The following EGLN1 variants were observed in gnomAD, a reference collection of about 807,000 sequenced individuals.
EGLN1 encodes egl-9 family hypoxia inducible factor 1.
In EGLN1, 17 loss-of-function variants were observed where a neutral mutation model predicts 38.3. The ratio of observed to expected loss-of-function variants is 0.44; its 90% CI spans 0.30 to 0.67. The LOEUF is 0.67. Ranked by LOEUF, EGLN1 falls within the 30% of genes least tolerant of loss-of-function variation. The pLI is 0.08. For missense variants in EGLN1, 477 were observed against 603.3 expected, an observed-to-expected ratio of 0.79 and a Z score of 2.19; for synonymous variants, 283 against 257.5, an observed-to-expected ratio of 1.10 and a Z score of -0.95.
chr1:231,387,236 TAC>T (rs148394377), intron 1 of EGLN1, among the ~76,000 whole-genome samples: 3,505 of 36,656 alleles, frequency 0.096, 144 homozygotes, highest in African/African-American at 0.16. Context: ...TATATATGTA[TAC>T]ACACACACAC....
rs886046111 is a variant in EGLN1, at chr1:231,421,636, G to A, written c.253C>T (p.Pro85Ser). The A allele has an allele frequency of 5.6e-6, 8 of 1,439,866 alleles. No homozygotes were observed. The highest frequency in any genetic ancestry group is 7.3e-6 in the Non-Finnish European group (8 of 1,100,008). The allele number at this position is 1,439,866 out of a possible 1,614,324, so 89.2% of individuals were successfully genotyped here. Residue 85 changes from proline to serine, a missense_variant, in exon 1 of 5, where the codon CCG becomes TCG. By Grantham distance (74) the Pro-to-Ser change is moderately conservative (BLOSUM62 -1). Coordinates refer to ENST00000366641, the MANE Select transcript of EGLN1 (RefSeq NM_022051.3). This position sits in a 1 kb window ranked among gnomAD's most constrained non-coding sequence, Gnocchi z 5.5. ...GGCTCCCGGGCCCCGGCCCTGGGCG[G>A]CGGCACTGCAGCCGGCGGCGCGGGG... ...SGPAPPAAVP[P>S]PRAGAREPRK... is the part of the protein sequence containing the mutation.
chr1:231,396,341 C>T (rs1337165679), intron 1 of EGLN1, among the ~76,000 whole-genome samples: 1 of 151,786 alleles, frequency 6.6e-6, no homozygotes, highest in East Asian at 1.9e-4. Context: ...GCAACCTCTG[C>T]CTCCTAGGTT....
chr1:231,383,032 T>C (rs1036740579), intron 1 of EGLN1, among the ~76,000 whole-genome samples: 2 of 124,548 alleles, frequency 1.6e-5, no homozygotes, highest in East Asian at 2.4e-4. Flanking sequence ...CATTCCAGCC[T>C]GGGCAACAGA....
At chr1:231,399,329 G>C (rs1034270378) in intron 1 of EGLN1, among the ~76,000 whole-genome samples, 7 of 152,190 alleles carry the variant, frequency 4.6e-5, no homozygotes, top group African/African-American at 1.7e-4. Flanking sequence ...GGAAAGGATT[G>C]AGGAAATTTA....
chr1:231,383,410 G>A (rs1279670545), intron 1 of EGLN1, among the ~76,000 whole-genome samples: 1 of 152,194 alleles, frequency 6.6e-6, no homozygotes, highest in East Asian at 1.9e-4. Context: ...CACCAGAACA[G>A]AGTCTTACTT....
At chr1:231,374,145 A>G (rs1209814417) in intron 1 of EGLN1, 46 bp from the exon 2 acceptor site, 2 of 1,576,998 alleles carry the variant, frequency 1.3e-6, no homozygotes, top group South Asian at 2.2e-5. Context: ...GTATAAATAA[A>G]AAGAGAGAAC....
intron 1 of EGLN1, among the ~76,000 whole-genome samples, chr1:231,382,644 T>C (rs760763970): frequency 2.0e-5 from 3 of 152,222 alleles, no homozygotes; most frequent in Non-Finnish European, 4.4e-5. Context: ...CCCTGAGCCT[T>C]ATGACTCCTG....
chr1:231,421,724 C>A lies in EGLN1; in HGVS notation c.165G>T (p.Lys55Asn). 1 of 1,532,302 alleles carries A rather than the reference C, an allele frequency of 6.5e-7. No homozygotes were observed. Among genetic ancestry groups the A allele is most frequent in the Non-Finnish European group, 8.7e-7 (1 of 1,147,148 alleles). The allele number at this position is 1,532,302 out of a possible 1,614,324, so 94.9% of individuals were successfully genotyped here. The stretch of plus-strand genomic sequence containing the variant: ...CGCCCTCGCTGCCCTGGCACACGAG[C>A]TTGTGCTTCTTCCAGTCCTGACGCT... ...EHQRQDWKKHKLVCQGSEGAL... is the reference protein window; with the variant it reads ...EHQRQDWKKHNLVCQGSEGAL... Residue 55 changes from lysine to asparagine, a missense_variant, in exon 1 of 5, where the codon AAG becomes AAT. By Grantham distance (94) the Lys-to-Asn change is moderately conservative (BLOSUM62 0). Coordinates refer to ENST00000366641, the MANE Select transcript of EGLN1 (RefSeq NM_022051.3). The surrounding 1 kb of genome is among the most constrained non-coding windows in gnomAD (Gnocchi z 5.5).
At chr1:231,391,086 TTTTTTTTGTGTG>T (rs1451642044) in intron 1 of EGLN1, among the ~76,000 whole-genome samples, 6 of 34,396 alleles carry the variant, frequency 1.7e-4, no homozygotes, top group African/African-American at 4.4e-4. Flanking sequence ...TCATTCTGTT[TTTTTTTTGTGTG>T]TGTGTGTGTG....
rs1656648788 is a variant in EGLN1 at position 231,422,010 on chromosome 1, C to G, written c.-122G>C. The G allele has an allele frequency of 9.1e-7, 1 of 1,095,434 alleles. No individual in the cohort carries two copies. Among genetic ancestry groups the G allele is most frequent in the Non-Finnish European group, 1.2e-6 (1 of 847,100 alleles). The allele number at this position is 1,095,434 out of a possible 1,614,324, so 67.9% of individuals were successfully genotyped here. A position where few individuals can be genotyped will look rare whatever the true frequency, so the allele number is the denominator to read the frequency against. ...AGGGGCCGTTACTGCGCCATGCACC[C>G]GCTACCCTCGCCTCAGGGAGGCCGG... On this transcript the variant is annotated 5_prime_UTR_variant, in exon 1 of 5. Transcript: ENST00000366641.
At chr1:231,383,960 G>T (rs1688133765) in intron 1 of EGLN1, among the ~76,000 whole-genome samples, 1 of 151,928 alleles carries the variant, frequency 6.6e-6, no homozygotes. Flanking sequence ...AAAGAGTTTT[G>T]AATAATAAAA....
intron 4 of EGLN1, 109 bp from the exon 5 acceptor site, chr1:231,366,584 C>T: frequency 9.1e-7 from 1 of 1,095,564 alleles, no homozygotes; most frequent in Non-Finnish European, 1.4e-6. Flanking sequence ...TTCAACTTTG[C>T]AAACATCATC....
intron 1 of EGLN1, 104 bp downstream of exon 1, chr1:231,420,894 C>A: frequency 6.2e-7 from 1 of 1,607,386 alleles, no homozygotes. Flanking sequence ...CGAGTCCCTT[C>A]TATATAGAGG....
chr1:231,411,620 C>A (rs949758343), intron 1 of EGLN1, among the ~76,000 whole-genome samples: 5 of 152,068 alleles, frequency 3.3e-5, no homozygotes, highest in Admixed American at 2.0e-4. Context: ...AAAATTATTT[C>A]ATACCTGACA....
chr1:231,393,434 T>C (rs764816995), intron 1 of EGLN1, among the ~76,000 whole-genome samples: 1 of 152,196 alleles, frequency 6.6e-6, no homozygotes, highest in Non-Finnish European at 1.5e-5. Context: ...GTTCCTAATC[T>C]TGTTTCTAAC....
chr1:231,396,245 G>C (rs575909577), intron 1 of EGLN1, among the ~76,000 whole-genome samples: 10 of 131,420 alleles, frequency 7.6e-5, no homozygotes, highest in Admixed American at 5.7e-4. Context: ...TTCCTCACTG[G>C]CTTCTTTTTT....
chr1:231,380,743 A>ACT (rs1360124961), intron 1 of EGLN1, among the ~76,000 whole-genome samples: 10 of 152,198 alleles, frequency 6.6e-5, no homozygotes, highest in African/African-American at 2.4e-4. Flanking sequence ...CAGCATAGTA[A>ACT]GTTTTAATCT....
At chr1:231,391,125 T>TGA (rs1688370218) in intron 1 of EGLN1, among the ~76,000 whole-genome samples, 1 of 151,016 alleles carries the variant, frequency 6.6e-6, no homozygotes, top group Non-Finnish European at 1.5e-5. Context: ...TGTGTGTGTG[T>TGA]GTGTGTGTGA....
intron 1 of EGLN1, among the ~76,000 whole-genome samples, chr1:231,410,939 T>C (rs1226850176): frequency 2.6e-5 from 4 of 152,030 alleles, no homozygotes; most frequent in Non-Finnish European, 5.9e-5. Flanking sequence ...CAGAAATTGG[T>C]AGAAGACATC....
Sources: gnomAD v4.1 joint callset for allele counts (sites outside exome capture counted in the v4.1 genomes callset) on GRCh38, gnomAD v4.1.1 for gene constraint, Gnocchi (gnomAD v3.1) non-coding constraint, MANE v1.5 for transcripts, NCBI Gene and HGNC (gene_info 2026-07-23, HGNC 2026-07-21) for gene names.